ROBO2: variants seen among roughly 807,000 people sequenced by gnomAD.
ROBO2 encodes the protein roundabout homolog 2.
Under a neutral mutation model 160.8 loss-of-function variants are expected in ROBO2, and 53 were observed. That is an observed-to-expected ratio of 0.33 (90% CI 0.26 to 0.41). The LOEUF (loss-of-function observed/expected upper bound fraction) is 0.41, where lower values mean the gene tolerates loss of function less well. ROBO2 is among the 10% of genes least tolerant of loss of function. The pLI is 1.00. For missense variants in ROBO2, 1,577 were observed against 1,722.4 expected (o/e 0.92, Z 1.49); for synonymous variants, 664 against 611.7 (o/e 1.09, Z -1.26).
intron 24 of ROBO2, among the ~76,000 whole-genome samples, chr3:77,641,328 C>A (rs2095347517): frequency 6.6e-6 from 1 of 152,202 alleles, no homozygotes; most frequent in South Asian, 2.1e-4. Flanking sequence ...AGAGGAGATG[C>A]TCCAGAGACC....
At chr3:76,825,603 C>CAAAAAAAAAAAAAAAAAAA (rs201063990) in intron 2 of ROBO2, among the ~76,000 whole-genome samples, 1 of 72,502 alleles carries the variant, frequency 1.4e-5, no homozygotes, top group African/African-American at 8.5e-5. Context: ...TCATCTTAGC[C>CAAAAAAAAAAAAAAAAAAA]AAAAAAAAAA....
chr3:76,121,798 A>G (rs192374406), intron 2 of ROBO2, among the ~76,000 whole-genome samples: 6 of 152,294 alleles, frequency 3.9e-5, no homozygotes, highest in East Asian at 1.9e-4. Context: ...ATACCAAGGT[A>G]TGTGTCTTAA....
At chr3:77,326,890 T>A (rs1467143453) in intron 2 of ROBO2, among the ~76,000 whole-genome samples, 2 of 152,234 alleles carry the variant, frequency 1.3e-5, no homozygotes, top group Non-Finnish European at 2.9e-5. Flanking sequence ...TGCGTTCTAT[T>A]TGAATTCCTC....
At chr3:77,615,644 A>G (rs1162521393) in intron 21 of ROBO2, among the ~76,000 whole-genome samples, 2 of 152,156 alleles carry the variant, frequency 1.3e-5, no homozygotes, top group East Asian at 1.9e-4. Flanking sequence ...AGTTTCTGCC[A>G]TGTCTTTTTA....
chr3:76,033,160 A>T (rs948793964), intron 2 of ROBO2, among the ~76,000 whole-genome samples: 1 of 151,770 alleles, frequency 6.6e-6, no homozygotes. Context: ...CTCAGGGGGG[A>T]AAAATATGGT....
At chr3:75,999,475 TTTA>T (rs1669083686) in intron 2 of ROBO2, among the ~76,000 whole-genome samples, 1 of 152,154 alleles carries the variant, frequency 6.6e-6, no homozygotes, top group South Asian at 2.1e-4. Context: ...TAGTATTTAT[TTTA>T]TTTAGACCTG....
intron 2 of ROBO2, among the ~76,000 whole-genome samples, chr3:76,567,630 T>TATATATATATATATATATAC (rs2084622434): frequency 8.0e-5 from 6 of 75,132 alleles, no homozygotes; most frequent in South Asian, 4.9e-4. Context: ...GATATATATA[T>TATATATATATATATATATAC]ATATATATAT....
chr3:76,723,225 T>G (rs1193773672), intron 2 of ROBO2, among the ~76,000 whole-genome samples: 5 of 152,156 alleles, frequency 3.3e-5, no homozygotes, highest in South Asian at 4.1e-4. Context: ...CACATCATTT[T>G]CGAAATAAAA....
intron 1 of ROBO2, among the ~76,000 whole-genome samples, chr3:75,916,809 T>G (rs1474320724): frequency 1.5e-5 from 1 of 66,552 alleles, no homozygotes; most frequent in African/African-American, 5.9e-5. Flanking sequence ...TTAAATTCTC[T>G]TTAGTTCTTA....
At chr3:77,037,162 A>T (rs1021968791), upstream of ROBO2, among the ~76,000 whole-genome samples, 1 of 152,214 alleles carries the variant, frequency 6.6e-6, no homozygotes, top group Non-Finnish European at 1.5e-5. Context: ...ATGTTTGGTC[A>T]TAATCCTAAA....
At chr3:76,498,792 C>T (rs367944997) in intron 2 of ROBO2, among the ~76,000 whole-genome samples, 1 of 150,992 alleles carries the variant, frequency 6.6e-6, no homozygotes, top group African/African-American at 2.4e-5. Flanking sequence ...AGGATTCAAG[C>T]AATTCTCTGC....
intron 2 of ROBO2, among the ~76,000 whole-genome samples, chr3:77,207,518 C>G (rs1171569717): frequency 6.6e-6 from 1 of 152,124 alleles, no homozygotes; most frequent in East Asian, 1.9e-4. Context: ...ATCATTTTAT[C>G]TTTAAAATAT....
rs1306305555 is a variant in ROBO2, at chr3:76,049,401, A to ATTTTTTTTTTTT, written c.109+111800_109+111801insTTTTTTTTTTTT. 1.6e-3 allele frequency among the ~76,000 whole-genome samples: 101 copies of ATTTTTTTTTTTT among 63,648 alleles called. 3 individuals are homozygous for ATTTTTTTTTTTT. Among genetic ancestry groups the ATTTTTTTTTTTT allele is most frequent in the Non-Finnish European group, 1.9e-3 (76 of 40,308 alleles). The allele number at this position is 63,648 out of a possible 152,430, so 41.8% of individuals were successfully genotyped here. A position where few individuals can be genotyped will look rare whatever the true frequency, so the allele number is the denominator to read the frequency against. ...AATTTTAGTATATATATATATATATATATTTTTTTTTTTTTTTTTTTTTGT... is the reference window on the plus strand; with the variant it reads ...AATTTTAGTATATATATATATATATATTTTTTTTTTTTTATTTTTTTTTTTTTTTTTTTTTGT... On this transcript the variant is annotated intron_variant, in intron 2 of 26. Transcript: ENST00000487694.
chr3:75,917,799 T>C (rs1461478894), intron 1 of ROBO2, among the ~76,000 whole-genome samples: 1 of 152,172 alleles, frequency 6.6e-6, no homozygotes, highest in African/African-American at 2.4e-5. Flanking sequence ...GATTATGAGC[T>C]TTTTTTCATG....
At chr3:76,671,518 G>A (rs934769122) in intron 2 of ROBO2, among the ~76,000 whole-genome samples, 8 of 152,156 alleles carry the variant, frequency 5.3e-5, no homozygotes, top group Middle Eastern at 3.4e-3. Context: ...TAATTTCAAA[G>A]CATAGATATG....
intron 2 of ROBO2, among the ~76,000 whole-genome samples, chr3:77,391,829 G>A (rs1433258938): frequency 6.6e-6 from 1 of 152,038 alleles, no homozygotes; most frequent in Non-Finnish European, 1.5e-5. Context: ...CAAAGTGCTG[G>A]CATTATAAGC....
At chr3:76,460,297 A>G (rs1399671416) in intron 2 of ROBO2, among the ~76,000 whole-genome samples, 1 of 152,212 alleles carries the variant, frequency 6.6e-6, no homozygotes, top group East Asian at 1.9e-4. Flanking sequence ...TATCAAGGTA[A>G]GCCATTATAT....
chr3:77,553,352 C>G (rs1455199838), intron 8 of ROBO2, among the ~76,000 whole-genome samples: 1 of 151,858 alleles, frequency 6.6e-6, no homozygotes, highest in Non-Finnish European at 1.5e-5. Context: ...CTGTCTTTCC[C>G]TGAGCCTCCC....
At chr3:77,453,001 C>G (rs1198904995) in intron 2 of ROBO2, among the ~76,000 whole-genome samples, 1 of 152,104 alleles carries the variant, frequency 6.6e-6, no homozygotes, top group East Asian at 1.9e-4. Context: ...CTCATGTCTT[C>G]AGCTACTACA....
Sources: gnomAD v4.1 joint callset for allele counts (sites outside exome capture counted in the v4.1 genomes callset) on GRCh38, gnomAD v4.1.1 for gene constraint, MANE v1.5 for transcripts, NCBI Gene and HGNC (gene_info 2026-07-23, HGNC 2026-07-21) for gene names.